Variants in EPB41L4A observed in about 807,000 individuals in gnomAD.
EPB41L4A encodes band 4.1-like protein 4A.
EPB41L4A carries 100 observed loss-of-function variants against 108.6 expected under a neutral mutation model. The ratio of observed to expected loss-of-function variants is 0.92; its 90% CI spans 0.78 to 1.09. The LOEUF is 1.09. EPB41L4A is among the 50% of genes least tolerant of loss of function. EPB41L4A has a pLI of 0.00. For missense variants in EPB41L4A, 1,030 were observed against 842.7 expected, an observed-to-expected ratio of 1.22 and a Z score of -2.75; for synonymous variants, 319 against 289.0, an observed-to-expected ratio of 1.10 and a Z score of -1.05.
rs114852479 is a variant in EPB41L4A at position 112,266,222 on chromosome 5, G to C, written c.433+11C>G. Reference sequence around the variant, plus strand: ...ACATTTCTGAGGCAAATATGCTTAAGTGGCACCTACACTGGATGGCATACG... The same window carrying C: ...ACATTTCTGAGGCAAATATGCTTAACTGGCACCTACACTGGATGGCATACG... On this transcript the variant is annotated intron_variant, in intron 5 of 22. Transcript: ENST00000261486. The C allele has an allele frequency of 1.3e-6, 2 of 1,580,430 alleles. No homozygotes were observed. Among genetic ancestry groups the C allele is most frequent in the Non-Finnish European group, 1.7e-6 (2 of 1,164,548 alleles).
chr5:112,389,938 G>T (rs1264344293), intron 1 of EPB41L4A, among the ~76,000 whole-genome samples: 1 of 152,188 alleles, frequency 6.6e-6, no homozygotes, highest in Non-Finnish European at 1.5e-5. Flanking sequence ...ACAATAAGGA[G>T]GGATGGCATG....
intron 1 of EPB41L4A, among the ~76,000 whole-genome samples, chr5:112,335,770 A>C (rs1040888870): frequency 2.6e-5 from 4 of 152,184 alleles, no homozygotes; most frequent in Admixed American, 6.5e-5. Context: ...AAAATTCTTC[A>C]ATGGCATTCC....
chr5:112,170,068 C>T, intron 20 of EPB41L4A: 1 of 460,454 alleles, frequency 2.2e-6, no homozygotes, highest in Non-Finnish European at 3.8e-6. Context: ...TCAGGAAAAG[C>T]CCCCTTGTAC....
intron 18 of EPB41L4A, among the ~76,000 whole-genome samples, chr5:112,182,105 G>A (rs1352922421): frequency 1.3e-5 from 2 of 152,038 alleles, no homozygotes; most frequent in African/African-American, 2.4e-5. Flanking sequence ...GGTTGTGGGG[G>A]TGGGCACTGA....
At chr5:112,375,332 CACAT>C (rs1759749066) in intron 1 of EPB41L4A, among the ~76,000 whole-genome samples, 6 of 150,118 alleles carry the variant, frequency 4.0e-5, no homozygotes, top group Non-Finnish European at 1.5e-5. Context: ...CGCACACACA[CACAT>C]ACACACACAC....
intron 1 of EPB41L4A, among the ~76,000 whole-genome samples, chr5:112,357,741 A>G (rs1439188237): frequency 2.0e-5 from 3 of 152,226 alleles, no homozygotes; most frequent in Non-Finnish European, 4.4e-5. Context: ...TTAACACTCA[A>G]TGTGGATGGA....
At chr5:112,314,549 T>C (rs1580668540) in intron 1 of EPB41L4A, among the ~76,000 whole-genome samples, 1 of 117,592 alleles carries the variant, frequency 8.5e-6, no homozygotes, top group Non-Finnish European at 1.7e-5. Context: ...GAAAAGAAAT[T>C]AGCCAAGCAT....
At chr5:112,151,344 T>C (rs1428715240) in intron 12 of EPB41L4A, among the ~76,000 whole-genome samples, 2 of 149,954 alleles carry the variant, frequency 1.3e-5, no homozygotes, top group East Asian at 3.9e-4. Flanking sequence ...ATTTCTAAGG[T>C]CCTTGTTTTT....
intron 12 of EPB41L4A, among the ~76,000 whole-genome samples, chr5:112,227,059 T>G (rs1384919407): frequency 1.3e-5 from 2 of 151,330 alleles, no homozygotes; most frequent in African/African-American, 4.9e-5. Flanking sequence ...CCTAACTCTG[T>G]GATCCTGATA....
chr5:112,342,721 G>C (rs1331306374), intron 1 of EPB41L4A, among the ~76,000 whole-genome samples: 1 of 152,180 alleles, frequency 6.6e-6, no homozygotes, highest in Admixed American at 6.5e-5. Context: ...CTTCATAAGA[G>C]AGCACCACTG....
chr5:112,194,623 T>C lies in EPB41L4A; in HGVS notation c.1447A>G (p.Ser483Gly), dbSNP rs374638024. The change falls in exon 17 of 23, where the codon AGC becomes GGC. Residue 483 changes from serine (S) to glycine (G), a missense_variant. Physicochemically the swap from Ser to Gly is moderately conservative, Grantham distance 56. Coordinates refer to ENST00000261486, the MANE Select transcript of EPB41L4A (RefSeq NM_022140.5). ...RRRSRSRCNT[S>G]SGSESENSNR... ...GAATTTTCTGATTCACTACCACTGC[T>C]GGTGTTACAGCGTGAACGTGACCTG... The C allele has an allele frequency of 3.1e-6, 5 of 1,607,184 alleles. No individual in the cohort carries two copies. In the African/African-American group the frequency reaches 6.7e-5, roughly 22 times the overall value.
chr5:112,288,268 T>A (rs1220424775), intron 2 of EPB41L4A, among the ~76,000 whole-genome samples: 1 of 152,222 alleles, frequency 6.6e-6, no homozygotes, highest in Non-Finnish European at 1.5e-5. Flanking sequence ...CTGTGGGTGC[T>A]GCCTTTGTCT....
At chr5:112,418,067 TCA>T (rs1373614163) in intron 1 of EPB41L4A, among the ~76,000 whole-genome samples, 1 of 152,134 alleles carries the variant, frequency 6.6e-6, no homozygotes, top group Admixed American at 6.5e-5. Flanking sequence ...CGGTTTCCCT[TCA>T]CCAGACTCAG....
At position 112,182,300 on chromosome 5, in the gene EPB41L4A, C is replaced by T. The variant is rs898803809; in HGVS notation, c.1622+1716G>A. ...TTTTAAAGGCTGTTAAATGAACCTCCGACCACTTGACTAAAAAATTATTAA... is the reference window on the plus strand; with the variant it reads ...TTTTAAAGGCTGTTAAATGAACCTCTGACCACTTGACTAAAAAATTATTAA... On this transcript the variant is annotated intron_variant, in intron 18 of 22. Transcript: ENST00000261486. Among the ~76,000 whole-genome samples, 9 of 152,158 alleles carry T rather than the reference C, an allele frequency of 5.9e-5. No individual in the cohort carries two copies. In the South Asian group the frequency reaches 8.3e-4, roughly 14 times the overall value.
intron 12 of EPB41L4A, among the ~76,000 whole-genome samples, chr5:112,152,233 A>G (rs1378455805): frequency 6.6e-6 from 1 of 152,204 alleles, no homozygotes; most frequent in Non-Finnish European, 1.5e-5. Context: ...ATGAAATGGA[A>G]GAACAAAATA....
intron 13 of EPB41L4A, among the ~76,000 whole-genome samples, chr5:112,144,783 C>G (rs929892444): frequency 6.6e-6 from 1 of 152,074 alleles, no homozygotes; most frequent in Non-Finnish European, 1.5e-5. Context: ...ATTGTTGCTA[C>G]TGCTGTTATA....
chr5:112,229,316 A>G (rs920731378), intron 12 of EPB41L4A, among the ~76,000 whole-genome samples: 24 of 152,336 alleles, frequency 1.6e-4, no homozygotes, highest in African/African-American at 4.8e-4. Flanking sequence ...CATGGCCTGC[A>G]AAGTCTAAAA....
chr5:112,182,144 T>C (rs1279646332), intron 18 of EPB41L4A, among the ~76,000 whole-genome samples: 3 of 152,042 alleles, frequency 2.0e-5, no homozygotes, highest in African/African-American at 7.2e-5. Context: ...AACTTTCCGG[T>C]TAATGGAAAT....
chr5:112,239,435 A>G (rs1749610541), intron 11 of EPB41L4A, among the ~76,000 whole-genome samples: 1 of 152,232 alleles, frequency 6.6e-6, no homozygotes, highest in African/African-American at 2.4e-5. Context: ...AAACTTTACT[A>G]TGATCTAAAA....
Sources: allele counts gnomAD v4.1 joint callset (sites outside exome capture counted in the v4.1 genomes callset), GRCh38; gene constraint gnomAD v4.1.1; transcripts MANE v1.5; gene names NCBI Gene and HGNC (gene_info 2026-07-23, HGNC 2026-07-21).